The following SYT1 variants were observed in gnomAD, a reference collection of about 807,000 sequenced individuals.
SYT1 encodes synaptotagmin 1.
SYT1 carries 8 observed loss-of-function variants against 44.8 expected under a neutral mutation model. The observed-to-expected ratio is 0.18, with a 90% confidence interval of 0.10 to 0.32. SYT1 has a LOEUF of 0.32. Ranked by LOEUF, SYT1 falls within the 10% of genes least tolerant of loss-of-function variation. The probability of loss-of-function intolerance (pLI) is 1.00; values close to 1 mark genes in which losing one functional copy is unlikely to be tolerated. For synonymous variants in SYT1, 154 were observed against 188.8 expected (o/e 0.82, Z 1.51); for missense variants, 286 against 509.3 (o/e 0.56, Z 4.22).
chr12:79,191,623 A>T (rs1341611561), intron 3 of SYT1, among the ~76,000 whole-genome samples: 1 of 152,164 alleles, frequency 6.6e-6, no homozygotes, highest in East Asian at 1.9e-4. Flanking sequence ...TGCCAGGATG[A>T]CTAGGTAGAG....
At chr12:78,879,607 T>C (rs1419272697) in intron 1 of SYT1, among the ~76,000 whole-genome samples, 1 of 151,798 alleles carries the variant, frequency 6.6e-6, no homozygotes, top group African/African-American at 2.4e-5. Context: ...GTCTCTCATT[T>C]TTAATCTCAA....
intron 8 of SYT1, among the ~76,000 whole-genome samples, chr12:79,323,166 C>G (rs1040535733): frequency 4.6e-5 from 7 of 151,112 alleles, no homozygotes; most frequent in African/African-American, 1.7e-4. Flanking sequence ...TTTGTAAGAC[C>G]TATCACAGCA....
At chr12:79,078,404 G>C (rs1418566298) in intron 3 of SYT1, among the ~76,000 whole-genome samples, 1 of 152,072 alleles carries the variant, frequency 6.6e-6, no homozygotes, top group Non-Finnish European at 1.5e-5. Context: ...ACTTAGTTTA[G>C]TGCCTGACAT....
intron 3 of SYT1, among the ~76,000 whole-genome samples, chr12:79,187,213 A>T (rs1872852506): frequency 6.6e-6 from 1 of 152,072 alleles, no homozygotes; most frequent in African/African-American, 2.4e-5. Context: ...ACCAGCGAAG[A>T]ATAAAAAGAT....
chr12:79,256,778 T>C (rs1877543524), intron 4 of SYT1, among the ~76,000 whole-genome samples: 1 of 152,242 alleles, frequency 6.6e-6, no homozygotes, highest in Non-Finnish European at 1.5e-5. Flanking sequence ...CTCAAGTTAA[T>C]TAATCCATGT....
At chr12:78,941,355 A>T (rs1878359942) in intron 1 of SYT1, among the ~76,000 whole-genome samples, 1 of 151,148 alleles carries the variant, frequency 6.6e-6, no homozygotes, top group Non-Finnish European at 1.5e-5. Flanking sequence ...TACAGGCGTG[A>T]GTCACCGCAC....
intron 1 of SYT1, among the ~76,000 whole-genome samples, chr12:78,927,967 C>T (rs922372045): frequency 2.0e-5 from 3 of 152,120 alleles, no homozygotes; most frequent in African/African-American, 7.2e-5. Context: ...CGGTATTTCT[C>T]CCCGTGTTCT....
chr12:78,949,071 C>T (rs897343264), intron 1 of SYT1, among the ~76,000 whole-genome samples: 6 of 151,104 alleles, frequency 4.0e-5, no homozygotes, highest in African/African-American at 1.2e-4. Context: ...GTTCAGTGAT[C>T]GTCTTTATGC....
intron 3 of SYT1, among the ~76,000 whole-genome samples, chr12:79,066,269 C>T (rs983881235): frequency 1.3e-5 from 2 of 152,100 alleles, no homozygotes; most frequent in East Asian, 3.9e-4. Context: ...AGGATAGTAG[C>T]ATATATCAGA....
At chr12:79,422,945 G>A (rs568030445) in intron 9 of SYT1, among the ~76,000 whole-genome samples, 4 of 152,204 alleles carry the variant, frequency 2.6e-5, no homozygotes, top group South Asian at 4.1e-4. Flanking sequence ...CTGTCAGAAA[G>A]AAGCAGCCCA....
intron 8 of SYT1, among the ~76,000 whole-genome samples, chr12:79,332,326 G>C (rs1469016527): frequency 6.6e-6 from 1 of 152,144 alleles, no homozygotes; most frequent in Non-Finnish European, 1.5e-5. Context: ...CCCTAATGAT[G>C]TTCTGATTTT....
chr12:79,264,538 C>A (rs1878019846), intron 4 of SYT1, among the ~76,000 whole-genome samples: 1 of 152,106 alleles, frequency 6.6e-6, no homozygotes, highest in South Asian at 2.1e-4. Flanking sequence ...GAAAGCAGCA[C>A]CCAAAAGTCT....
At chr12:79,052,517 A>G (rs534422838) in intron 3 of SYT1, among the ~76,000 whole-genome samples, 2 of 152,326 alleles carry the variant, frequency 1.3e-5, no homozygotes, top group South Asian at 4.1e-4. Context: ...GGATCTAATT[A>G]AACTAAAGAG....
chr12:78,880,744 T>C (rs1286474312), intron 1 of SYT1, among the ~76,000 whole-genome samples: 3 of 151,676 alleles, frequency 2.0e-5, no homozygotes, highest in South Asian at 4.1e-4. Context: ...TTCTTTTTTT[T>C]TGTAGACTAA....
chr12:79,320,648 CTTTT>C (rs746685561), intron 8 of SYT1, among the ~76,000 whole-genome samples: 9 of 128,742 alleles, frequency 7.0e-5, no homozygotes, highest in African/African-American at 2.7e-4. Flanking sequence ...TCTTTTTCCC[CTTTT>C]TTTTTTTTTT....
chr12:79,117,731 A>G (rs1449486242), intron 3 of SYT1, among the ~76,000 whole-genome samples: 1 of 131,322 alleles, frequency 7.6e-6, no homozygotes. Flanking sequence ...AATAGGTTGC[A>G]TACAGAAGAT....
At chr12:79,123,912 A>C (rs1868327848) in intron 3 of SYT1, among the ~76,000 whole-genome samples, 1 of 151,922 alleles carries the variant, frequency 6.6e-6, no homozygotes, top group African/African-American at 2.4e-5. Context: ...CTAATTAAAG[A>C]CTCTTTAATG....
rs375802104 is a variant in SYT1, at chr12:79,185,382, T to G, written c.-17-32121T>G. Among the ~76,000 whole-genome samples, 6 of 152,140 alleles carry G rather than the reference T, an allele frequency of 3.9e-5. No individual in the cohort carries two copies. In the South Asian group the frequency reaches 1.2e-3, roughly 31 times the overall value. ...CACCTCCATCAGGCACTTTTAGGGT[T>G]GAATGCACATTGGAGTGATCTAGTG... On this transcript the variant is annotated intron_variant, in intron 3 of 10. Transcript: ENST00000261205.
chr12:79,126,326 T>C (rs112972578), intron 3 of SYT1, among the ~76,000 whole-genome samples: 139 of 152,352 alleles, frequency 9.1e-4, no homozygotes, highest in African/African-American at 3.1e-3. Flanking sequence ...AGTAGCACGA[T>C]CTTGGCTCAC....
Sources: gnomAD v4.1 joint callset for allele counts (sites outside exome capture counted in the v4.1 genomes callset) on GRCh38, gnomAD v4.1.1 for gene constraint, MANE v1.5 for transcripts, NCBI Gene and HGNC (gene_info 2026-07-23, HGNC 2026-07-21) for gene names.